The following PPP2R2C variants were observed in gnomAD, a reference collection of about 807,000 sequenced individuals.
PPP2R2C encodes the protein protein phosphatase 2 regulatory subunit Bgamma, also known as protein phosphatase 2, regulatory subunit B, gamma.
PPP2R2C carries 10 observed loss-of-function variants against 45.3 expected under a neutral mutation model. The observed-to-expected ratio is 0.22, with a 90% CI of 0.14 to 0.37. The LOEUF is 0.37. Ranked by LOEUF, PPP2R2C falls within the 10% of genes least tolerant of loss-of-function variation. PPP2R2C has a pLI of 1.00. For synonymous variants in PPP2R2C, 257 were observed against 245.4 expected (o/e 1.05, Z -0.44); for missense variants, 308 against 619.7 (o/e 0.50, Z 5.34).
chr4:6,527,460 G>A lies in PPP2R2C; in HGVS notation c.49+7811C>T, dbSNP rs1404688389. On this transcript the variant is annotated intron_variant, in intron 2 of 9. Coordinates refer to the PPP2R2C transcript ENST00000506140. The stretch of plus-strand genomic sequence containing the variant: ...CGGTGAGTCACCTCCCTGCCATGCA[G>A]CCTCTGTGGCCAAGGTGCATGGACC... Among the ~76,000 whole-genome samples, 4 of 149,040 alleles carry A rather than the reference G, an allele frequency of 2.7e-5. No homozygotes were observed. In the East Asian group the frequency reaches 7.9e-4, roughly 30 times the overall value.
At chr4:6,406,741 G>A (rs867552447) in intron 1 of PPP2R2C, among the ~76,000 whole-genome samples, 2 of 151,362 alleles carry the variant, frequency 1.3e-5, no homozygotes, top group Non-Finnish European at 1.5e-5. Flanking sequence ...AGGGAAACAG[G>A]GAAAAACTCT....
upstream of PPP2R2C, among the ~76,000 whole-genome samples, chr4:6,475,792 G>C (rs1722122588): frequency 6.6e-6 from 1 of 152,244 alleles, no homozygotes; most frequent in African/African-American, 2.4e-5. Context: ...AACATGCATG[G>C]AAAGTGTGCT....
chr4:6,382,673 TCTCACACA>T (rs1715922220), intron 1 of PPP2R2C: 1 of 134,604 alleles, frequency 7.4e-6, no homozygotes, highest in African/African-American at 8.1e-5. Flanking sequence ...TCTCTCTCTC[TCTCACACA>T]CACACACACA....
At chr4:6,546,741 A>G (rs1025166507) in intron 1 of PPP2R2C, among the ~76,000 whole-genome samples, 2 of 152,250 alleles carry the variant, frequency 1.3e-5, no homozygotes, top group African/African-American at 4.8e-5. Flanking sequence ...TCCCGGGCCC[A>G]TCATGTGCTC....
In PPP2R2C at chr4:6,320,958, T is replaced by G. The variant is rs1041969122; in HGVS notation, c.*2344A>C. On this transcript the variant is annotated 3_prime_UTR_variant, in exon 9 of 9. Transcript: ENST00000382599. ...ACCGTTTCTGGTTTTGTCCCTCCCC[T>G]CGACACCTTTTCTTAACACACATTT... is the stretch of plus-strand genomic sequence containing the variant. 3.3e-5 allele frequency: 5 copies of G among 152,214 alleles called. No individual in the cohort carries two copies. Among genetic ancestry groups the G allele is most frequent in the African/African-American group, 1.2e-4 (5 of 41,466 alleles). The allele number at this position is 152,214 out of a possible 1,614,324, so 9.4% of individuals were successfully genotyped here.
intron 2 of PPP2R2C, among the ~76,000 whole-genome samples, chr4:6,513,345 A>G (rs1723730018): frequency 6.6e-6 from 1 of 152,158 alleles, no homozygotes; most frequent in South Asian, 2.1e-4. Context: ...TTTTCTTTTC[A>G]AGGAGCAGTG....
chr4:6,402,161 A>G (rs573024409), intron 1 of PPP2R2C, among the ~76,000 whole-genome samples: 1 of 152,286 alleles, frequency 6.6e-6, no homozygotes, highest in African/African-American at 2.4e-5. Context: ...GACGACTGTG[A>G]TCTTCAAGTT....
intron 1 of PPP2R2C, among the ~76,000 whole-genome samples, chr4:6,445,932 ACAAGCCCAAGGTTT>A (rs1720393214): frequency 6.6e-6 from 1 of 152,140 alleles, no homozygotes; most frequent in Non-Finnish European, 1.5e-5. Flanking sequence ...TGGCCTGGAG[ACAAGCCCAAGGTTT>A]CCCAGCTTAG....
intron 2 of PPP2R2C, among the ~76,000 whole-genome samples, chr4:6,487,617 C>T (rs58260849): frequency 0.028 from 4,272 of 152,092 alleles, 77 homozygotes; most frequent in African/African-American, 0.057. Context: ...CCCCACCCCA[C>T]GCCTTTCTCT....
chr4:6,488,507 G>A (rs1722598301), intron 2 of PPP2R2C, among the ~76,000 whole-genome samples: 1 of 151,980 alleles, frequency 6.6e-6, no homozygotes, highest in Admixed American at 6.6e-5. Context: ...ACCATAGTGA[G>A]AACCTGTCTC....
chr4:6,435,936 T>C (rs975301135), intron 1 of PPP2R2C, among the ~76,000 whole-genome samples: 3 of 152,178 alleles, frequency 2.0e-5, no homozygotes, highest in Admixed American at 2.0e-4. Context: ...AATTCATATA[T>C]AGAAATCTTA....
At chr4:6,558,365 G>A (rs1286328488) in intron 1 of PPP2R2C, among the ~76,000 whole-genome samples, 4 of 152,202 alleles carry the variant, frequency 2.6e-5, no homozygotes. Context: ...TGTACCTGCA[G>A]TGGGAAGGCC....
intron 2 of PPP2R2C, among the ~76,000 whole-genome samples, chr4:6,497,028 C>T (rs1370122778): frequency 6.6e-6 from 1 of 152,110 alleles, no homozygotes; most frequent in Non-Finnish European, 1.5e-5. Context: ...ACTGCCCTCT[C>T]TTCCTGAGGG....
At chr4:6,453,880 AGGGGC>A (rs1281859587) in intron 1 of PPP2R2C, among the ~76,000 whole-genome samples, 2 of 152,116 alleles carry the variant, frequency 1.3e-5, no homozygotes, top group Non-Finnish European at 2.9e-5. Flanking sequence ...AGACGGCCAG[AGGGGC>A]GGTGGCAGGC....
In PPP2R2C at chr4:6,329,772, C is replaced by T. The variant is rs565876724; in HGVS notation, c.961-419G>A. Among the ~76,000 whole-genome samples, 1 of 152,324 alleles carries T rather than the reference C, an allele frequency of 6.6e-6. No homozygotes were observed. Among genetic ancestry groups the T allele is most frequent in the South Asian group, 2.1e-4 (1 of 4,824 alleles). ...GCAGAGTCCACTGTGACAAACAGAA[C>T]GCTCACAGCACAGGGGCCAGGACCA... is the stretch of plus-strand genomic sequence containing the variant. On this transcript the variant is annotated intron_variant, in intron 7 of 8. Transcript: ENST00000382599. This position sits in a 1 kb window ranked among gnomAD's most constrained non-coding sequence, Gnocchi z 5.8.
intron 5 of PPP2R2C, among the ~76,000 whole-genome samples, chr4:6,360,904 T>C (rs1713673904): frequency 6.6e-6 from 1 of 152,202 alleles, no homozygotes; most frequent in Admixed American, 6.5e-5. Context: ...GCCTTCTCCT[T>C]GTGTCCTCAC....
intron 1 of PPP2R2C, among the ~76,000 whole-genome samples, chr4:6,403,070 G>A (rs991418248): frequency 2.0e-5 from 3 of 152,250 alleles, no homozygotes; most frequent in African/African-American, 7.2e-5. Context: ...GAGGCCAGAA[G>A]GGGCCACTTT....
chr4:6,329,105 G>A lies in PPP2R2C; in HGVS notation c.1052+157C>T, dbSNP rs1346310156. On this transcript the variant is annotated intron_variant, in intron 8 of 8. Transcript: ENST00000382599. The surrounding 1 kb of genome is among the most constrained non-coding windows in gnomAD (Gnocchi z 5.8). ...CCCTTGAATCTGAGCGCTGAGAGTT[G>A]GACCTGCTCTGGAAAGCGTGGGCTT... Among the ~76,000 whole-genome samples, 1 of 152,182 alleles carries A rather than the reference G, an allele frequency of 6.6e-6. No individual in the cohort carries two copies. The highest frequency in any genetic ancestry group is 1.9e-4 in the East Asian group (1 of 5,162).
intron 1 of PPP2R2C, 46 bp from the exon 2 acceptor site, chr4:6,381,140 G>T (rs372295309): frequency 1.3e-6 from 2 of 1,554,094 alleles, no homozygotes; most frequent in African/African-American, 1.4e-5. Flanking sequence ...GTCAGAACCC[G>T]CCTCTCCCGG....
Sources: gnomAD v4.1 joint callset for allele counts (sites outside exome capture counted in the v4.1 genomes callset) on GRCh38, gnomAD v4.1.1 for gene constraint, Gnocchi (gnomAD v3.1) non-coding constraint, MANE v1.5 for transcripts, NCBI Gene and HGNC (gene_info 2026-07-23, HGNC 2026-07-21) for gene names.